The following PSD4 variants were observed in gnomAD, a reference collection of about 807,000 sequenced individuals.
PSD4 encodes the protein pleckstrin and Sec7 domain containing 4, also known as PH and SEC7 domain-containing protein 4.
A neutral mutation model predicts 112.5 loss-of-function variants in PSD4; 59 were observed. That is an observed-to-expected ratio of 0.52 (90% CI 0.43 to 0.65). The LOEUF (loss-of-function observed/expected upper bound fraction) is 0.65. Among genes scored for constraint, PSD4 ranks in the 30% least tolerant of loss-of-function variants. The pLI is 0.00. For synonymous variants in PSD4, 533 were observed against 540.0 expected (o/e 0.99, Z 0.18); for missense variants, 1,267 against 1,352.6 (o/e 0.94, Z 0.99).
intron 10 of PSD4, among the ~76,000 whole-genome samples, chr2:113,195,212 G>A (rs1688566674): frequency 6.6e-6 from 1 of 151,670 alleles, no homozygotes; most frequent in Non-Finnish European, 1.5e-5. Flanking sequence ...TGTCGCGGGA[G>A]TGCAGTGGTG....
intron 16 of PSD4, among the ~76,000 whole-genome samples, 188 bp downstream of exon 16, chr2:113,199,414 G>A (rs1254460918): frequency 6.6e-6 from 1 of 152,242 alleles, no homozygotes; most frequent in Non-Finnish European, 1.5e-5. Context: ...CCGCGTGCAC[G>A]GGCGTGCACA....
chr2:113,180,348 A>G (rs1267896256), intron 1 of PSD4, among the ~76,000 whole-genome samples: 1 of 152,192 alleles, frequency 6.6e-6, no homozygotes, highest in African/African-American at 2.4e-5. Context: ...GCTGCAGTCC[A>G]TGTGGCTATT....
rs141452297 is a variant in PSD4 at position 113,193,331 on chromosome 2, C to G, written c.1993C>G (p.Arg665Gly). ...RERILYQFSRRFHHCNPGIFP... is the reference protein window; with the variant it reads ...RERILYQFSRGFHHCNPGIFP... ...GCGAATCCTCTACCAGTTCTCCAGA[C>G]GCTTCCACCATTGCAATCCGGGGAT... The change falls in exon 8 of 17, where the codon CGC (arginine) becomes GGC (glycine). Residue 665 changes from arginine to glycine, a missense_variant. Physicochemically the swap from Arg to Gly is moderately radical, Grantham distance 125. Around this residue, in one of 2 missense-constraint regions of PSD4, gnomAD observed 544 missense variants for 648.6 expected, o/e 0.84. Transcript: ENST00000245796. The G allele has an allele frequency of 3.1e-6, 5 of 1,604,188 alleles. No individual in the cohort carries two copies. Among genetic ancestry groups the G allele is most frequent in the Non-Finnish European group, 4.2e-6 (5 of 1,177,066 alleles).
Position 113,192,449 on chromosome 2 carries a change from A to T in PSD4, c.1698A>T (p.Pro566=). 2 of 1,614,210 alleles carry T rather than the reference A, an allele frequency of 1.2e-6. No individual in the cohort carries two copies. The highest frequency in any genetic ancestry group is 1.7e-6 in the Non-Finnish European group (2 of 1,180,030). Residue 566 remains proline (P), a synonymous_variant, in exon 6 of 17, where the codon CCA becomes CCT. Transcript: ENST00000245796. The part of the protein sequence containing the change: ...PGSPMPQAQS[P]EEGQRPPAGD... ...GCCCTATGCCCCAAGCACAGTCCCC[A>T]GAGGAAGGCCAGAGACCACCAGCTG...
At chr2:113,192,718 A>G in intron 6 of PSD4, 129 bp downstream of exon 6, 1 of 962,554 alleles carries the variant, frequency 1.0e-6, no homozygotes, top group East Asian at 2.6e-5. Context: ...TCCCCTCCTA[A>G]CTTTTCCCCC....
At chr2:113,194,944 T>C (rs571830576) in intron 10 of PSD4, among the ~76,000 whole-genome samples, 3 of 152,342 alleles carry the variant, frequency 2.0e-5, no homozygotes, top group East Asian at 1.9e-4. Context: ...GCAAGAGCTA[T>C]AGAAGCAAGC....
Position 113,196,159 on chromosome 2 carries a change from C to T in PSD4, c.2238C>T (p.Asp746=). ...CTCTGATGTTCAGGGATGAAGAAGACACAGCCAGACCTGAGAAGGCCCAGC... is the reference window on the plus strand; with the variant it reads ...CTCTGATGTTCAGGGATGAAGAAGATACAGCCAGACCTGAGAAGGCCCAGC... ...EKLEWAVDEE[D]TARPEKAQPS... The change falls in exon 12 of 17, where the codon GAC becomes GAT. Residue 746 remains aspartate (D), a synonymous_variant. Transcript: ENST00000245796. 2 of 1,611,752 alleles carry T rather than the reference C, an allele frequency of 1.2e-6. No individual in the cohort carries two copies. Among genetic ancestry groups the T allele is most frequent in the South Asian group, 2.2e-5 (2 of 91,012 alleles).
chr2:113,184,673 C>T (rs561499092), intron 2 of PSD4, among the ~76,000 whole-genome samples: 1 of 152,250 alleles, frequency 6.6e-6, no homozygotes, highest in Non-Finnish European at 1.5e-5. Context: ...CCGCCATGGA[C>T]TTTCTTGTTC....
intron 5 of PSD4, among the ~76,000 whole-genome samples, chr2:113,189,351 G>GTATATATATATATATATATATA (rs35251391): frequency 6.8e-6 from 1 of 146,128 alleles, no homozygotes; most frequent in African/African-American, 2.5e-5. Context: ...ATATATAATA[G>GTATATATATATATATATATATA]TATATATATA....
chr2:113,201,458 GACCTGAGATGA>G lies in PSD4; in HGVS notation c.*48_*58del, dbSNP rs1360740134. ...AGACACTGTTCCCTGCTCCAGGGTA[GACCTGAGATGA>G]ACCTCCCTGGAGGAGACTTATTTCA... is the stretch of plus-strand genomic sequence containing the variant. On this transcript the variant is annotated 3_prime_UTR_variant, in exon 17 of 17. Coordinates refer to ENST00000245796, the MANE Select transcript of PSD4 (RefSeq NM_012455.3). The G allele has an allele frequency of 6.2e-7, 1 of 1,602,460 alleles. No individual in the cohort carries two copies. The highest frequency in any genetic ancestry group is 1.7e-5 in the Admixed American group (1 of 59,760).
chr2:113,198,717 A>T (rs1225899201), intron 14 of PSD4, 23 bp from the exon 15 acceptor site: 1 of 1,518,892 alleles, frequency 6.6e-7, no homozygotes, highest in Admixed American at 1.9e-5. Flanking sequence ...GTCCCCGGGG[A>T]CCAACGACCT....
intron 5 of PSD4, among the ~76,000 whole-genome samples, chr2:113,192,159 A>G (rs3816331): frequency 0.57 from 86,721 of 151,150 alleles, 25,253 homozygotes; most frequent in East Asian, 0.69. Flanking sequence ...AAAGCGCAGG[A>G]CCCCAGACCT....
intron 8 of PSD4, 24 bp downstream of exon 8, chr2:113,193,394 G>C (rs45494399): frequency 1.9e-6 from 3 of 1,603,260 alleles, no homozygotes; most frequent in Non-Finnish European, 2.6e-6. Flanking sequence ...GGCCCTGACA[G>C]CAAAGCAGGG....
chr2:113,189,030 C>T (rs1688380639), intron 5 of PSD4, among the ~76,000 whole-genome samples: 1 of 152,154 alleles, frequency 6.6e-6, no homozygotes, highest in Non-Finnish European at 1.5e-5. Context: ...ACACTGCACC[C>T]TATTTGTAGT....
At chr2:113,195,165 CTTTTT>C (rs10603865) in intron 10 of PSD4, among the ~76,000 whole-genome samples, 2 of 145,882 alleles carry the variant, frequency 1.4e-5, no homozygotes, top group South Asian at 4.4e-4. Context: ...TGGTCATCAT[CTTTTT>C]TTTTTTTTTG....
At position 113,183,409 on chromosome 2, in the gene PSD4, C is replaced by G. The variant is rs747948604; in HGVS notation, c.953C>G (p.Pro318Arg). The G allele has an allele frequency of 6.4e-7, 1 of 1,573,958 alleles. No individual in the cohort carries two copies. Among genetic ancestry groups the G allele is most frequent in the Non-Finnish European group, 8.6e-7 (1 of 1,161,038 alleles). ...DGAAISGHCTPPFPVPIYKPH... is the reference protein window; with the variant it reads ...DGAAISGHCTRPFPVPIYKPH... ...GCTGCTATCAGTGGGCATTGTACCC[C>G]TCCATTCCCTGTGCCCATCTATAAA... Residue 318 changes from proline to arginine, a missense_variant, in exon 2 of 17, where the codon CCT becomes CGT. Physicochemically the swap from Pro to Arg is moderately radical, Grantham distance 103. Coordinates refer to ENST00000245796, the MANE Select transcript of PSD4 (RefSeq NM_012455.3).
chr2:113,199,918 C>T (rs1221310433), intron 16 of PSD4, among the ~76,000 whole-genome samples: 1 of 152,148 alleles, frequency 6.6e-6, no homozygotes, highest in Non-Finnish European at 1.5e-5. Context: ...CTCCGCCTCC[C>T]AGGTTCAAGC....
At position 113,192,601 on chromosome 2, in the gene PSD4, T is replaced by C; in HGVS notation, c.1838+12T>C. 6.2e-7 allele frequency: 1 copy of C among 1,613,120 alleles called. No individual in the cohort carries two copies. On this transcript the variant is annotated intron_variant, in intron 6 of 16. Coordinates refer to ENST00000245796, the MANE Select transcript of PSD4 (RefSeq NM_012455.3). ...TACCTGCAGAAGAAGTAAGGGGCTT[T>C]GAGCCTGGGGAAGGCTGGAGGCTGA... is the stretch of plus-strand genomic sequence containing the variant.
At chr2:113,184,357 G>A (rs948602838) in intron 2 of PSD4, among the ~76,000 whole-genome samples, 9 of 151,594 alleles carry the variant, frequency 5.9e-5, no homozygotes, top group Admixed American at 3.9e-4. Context: ...GCCTGTGGAG[G>A]TCCATTTTCT....
Sources: gnomAD v4.1 joint callset for allele counts (sites outside exome capture counted in the v4.1 genomes callset) on GRCh38, gnomAD v4.1.1 for gene constraint, gnomAD v4.1.1 regional missense constraint, MANE v1.5 for transcripts, NCBI Gene and HGNC (gene_info 2026-07-23, HGNC 2026-07-21) for gene names.